The following NXPH1 variants were observed in gnomAD, a reference collection of about 807,000 sequenced individuals.
NXPH1 encodes neurexophilin 1, also known as neurexophilin-1.
NXPH1 carries 5 observed loss-of-function variants against 23.7 expected under a neutral mutation model. The ratio of observed to expected loss-of-function variants is 0.21; its 90% CI spans 0.11 to 0.44. NXPH1 has a LOEUF of 0.44. Among genes scored for constraint, NXPH1 ranks in the 20% least tolerant of loss-of-function variants. The pLI, the probability that NXPH1 is intolerant of heterozygous loss-of-function variation, is 0.99. For synonymous variants in NXPH1, 144 were observed against 122.2 expected, an observed-to-expected ratio of 1.18 and a Z score of -1.18; for missense variants, 324 against 321.6, an observed-to-expected ratio of 1.01 and a Z score of -0.06.
intron 2 of NXPH1, among the ~76,000 whole-genome samples, chr7:8,439,880 G>A (rs570529906): frequency 3.2e-4 from 49 of 152,314 alleles, no homozygotes; most frequent in African/African-American, 1.2e-3. Context: ...TTTGGACTAG[G>A]TATGTGTGCT....
chr7:8,661,759 T>C (rs1820678344), intron 2 of NXPH1, among the ~76,000 whole-genome samples: 1 of 152,080 alleles, frequency 6.6e-6, no homozygotes, highest in African/African-American at 2.4e-5. Flanking sequence ...AGTATAAAGG[T>C]AGTACTCAGT....
intron 2 of NXPH1, among the ~76,000 whole-genome samples, chr7:8,703,547 T>G (rs1438723216): frequency 8.9e-6 from 1 of 112,158 alleles, no homozygotes; most frequent in Non-Finnish European, 1.8e-5. Context: ...TTGGAAGCAG[T>G]ACTGATTTTT....
intron 2 of NXPH1, among the ~76,000 whole-genome samples, chr7:8,728,210 G>C (rs1246678346): frequency 6.6e-6 from 1 of 152,190 alleles, no homozygotes; most frequent in Non-Finnish European, 1.5e-5. Flanking sequence ...CTTTGCTGAA[G>C]TTGCTTATCA....
chr7:8,660,843 T>A (rs949671600), intron 2 of NXPH1, among the ~76,000 whole-genome samples: 1 of 152,220 alleles, frequency 6.6e-6, no homozygotes, highest in African/African-American at 2.4e-5. Context: ...ATTTTTAGTT[T>A]TACTATTTGT....
intron 2 of NXPH1, among the ~76,000 whole-genome samples, chr7:8,516,393 C>T (rs1002464267): frequency 4.6e-5 from 7 of 152,086 alleles, no homozygotes; most frequent in South Asian, 2.1e-4. Flanking sequence ...ATATTTGTTT[C>T]GTTGTCTACT....
intron 2 of NXPH1, among the ~76,000 whole-genome samples, chr7:8,747,742 G>T (rs867806954): frequency 2.6e-5 from 4 of 151,740 alleles, no homozygotes; most frequent in African/African-American, 9.7e-5. Flanking sequence ...AGATTCAGAT[G>T]TTTAATCAAT....
intron 2 of NXPH1, chr7:8,690,175 C>T (rs1821203171): frequency 6.6e-6 from 1 of 152,236 alleles, no homozygotes; most frequent in African/African-American, 2.4e-5. Flanking sequence ...CCCTTGCTAA[C>T]ATCTGCCAGA....
intron 2 of NXPH1, among the ~76,000 whole-genome samples, chr7:8,580,008 G>A (rs1380104549): frequency 6.6e-6 from 1 of 152,172 alleles, no homozygotes; most frequent in African/African-American, 2.4e-5. Context: ...GAGAGAGATG[G>A]GAAGAGTCTG....
intron 2 of NXPH1, among the ~76,000 whole-genome samples, chr7:8,593,895 A>G (rs1819159007): frequency 3.9e-5 from 6 of 152,092 alleles, no homozygotes; most frequent in Admixed American, 3.9e-4. Context: ...TAAAGCATAC[A>G]CGATACGTTA....
At chr7:8,516,052 C>T (rs1226349708) in intron 2 of NXPH1, among the ~76,000 whole-genome samples, 3 of 152,100 alleles carry the variant, frequency 2.0e-5, no homozygotes, top group Non-Finnish European at 4.4e-5. Flanking sequence ...TGATTGTTTA[C>T]TCATCTGTAA....
intron 2 of NXPH1, among the ~76,000 whole-genome samples, chr7:8,733,949 G>T (rs922025818): frequency 3.3e-5 from 5 of 152,110 alleles, no homozygotes; most frequent in African/African-American, 4.8e-5. Flanking sequence ...TGAAGGCTTT[G>T]CCATGCCTAT....
At chr7:8,499,686 A>G (rs1407080779) in intron 2 of NXPH1, among the ~76,000 whole-genome samples, 1 of 152,100 alleles carries the variant, frequency 6.6e-6, no homozygotes, top group East Asian at 1.9e-4. Context: ...CCAAGTCAGA[A>G]CAACAAAAGC....
chr7:8,500,512 G>A (rs1422653437), intron 2 of NXPH1, among the ~76,000 whole-genome samples: 1 of 152,078 alleles, frequency 6.6e-6, no homozygotes. Context: ...GCTGTTGTGA[G>A]CATTGAATGA....
At position 8,455,858 on chromosome 7, in the gene NXPH1, A is replaced by T. The variant is rs1490379466; in HGVS notation, c.54+20091A>T. 3.9e-5 allele frequency among the ~76,000 whole-genome samples: 6 copies of T among 152,234 alleles called. No individual in the cohort carries two copies. In the East Asian group the frequency reaches 9.6e-4, roughly 24 times the overall value. ...GCATACTTATAATTTGTTCAAACCA[A>T]ATATGAGATGGCAGGGTTTTCTTCC... On this transcript the variant is annotated intron_variant, in intron 2 of 2. Transcript: ENST00000405863.
intron 2 of NXPH1, among the ~76,000 whole-genome samples, chr7:8,474,085 A>G (rs912618776): frequency 6.6e-6 from 1 of 152,188 alleles, no homozygotes; most frequent in Non-Finnish European, 1.5e-5. Context: ...GCCAATTAAC[A>G]GCAAAATATA....
chr7:8,493,498 GT>G (rs1563326590), intron 2 of NXPH1, among the ~76,000 whole-genome samples: 1 of 152,024 alleles, frequency 6.6e-6, no homozygotes, highest in Non-Finnish European at 1.5e-5. Context: ...AGAACATTTT[GT>G]CCTGCTAGAA....
chr7:8,573,999 T>G (rs969048246), intron 2 of NXPH1, among the ~76,000 whole-genome samples: 8 of 152,066 alleles, frequency 5.3e-5, no homozygotes, highest in Non-Finnish European at 1.2e-4. Context: ...GAACTGTGAG[T>G]GTCATAAAGA....
intron 2 of NXPH1, among the ~76,000 whole-genome samples, chr7:8,664,504 AC>A (rs1220653429): frequency 2.0e-5 from 3 of 152,138 alleles, no homozygotes; most frequent in African/African-American, 7.2e-5. Flanking sequence ...GTAGAAACTT[AC>A]AAAGATATAA....
intron 2 of NXPH1, among the ~76,000 whole-genome samples, chr7:8,584,858 T>C (rs1430062125): frequency 2.6e-5 from 4 of 152,242 alleles, no homozygotes; most frequent in Non-Finnish European, 5.9e-5. Flanking sequence ...CAATCTTACA[T>C]TACTTTGTAC....
Sources: gnomAD v4.1 joint callset for allele counts (sites outside exome capture counted in the v4.1 genomes callset) on GRCh38, gnomAD v4.1.1 for gene constraint, MANE v1.5 for transcripts, NCBI Gene and HGNC (gene_info 2026-07-23, HGNC 2026-07-21) for gene names.